The following PCOLCE2 variants were observed in gnomAD, a reference collection of about 807,000 sequenced individuals.
PCOLCE2 encodes the protein procollagen C-proteinase enhancer 2.
In PCOLCE2, 42 loss-of-function variants were observed where a neutral mutation model predicts 47.0. That is an observed-to-expected ratio of 0.89 (90% CI 0.70 to 1.16). PCOLCE2 has a LOEUF of 1.16. PCOLCE2 is among the 50% of genes most tolerant of loss of function. The pLI, the probability that PCOLCE2 is intolerant of heterozygous loss-of-function variation, is 0.00. For missense variants in PCOLCE2, 500 were observed against 526.1 expected, an observed-to-expected ratio of 0.95 and a Z score of 0.49; for synonymous variants, 169 against 191.7, an observed-to-expected ratio of 0.88 and a Z score of 0.98.
At chr3:142,844,036 A>G (rs1050395371) in intron 3 of PCOLCE2, among the ~76,000 whole-genome samples, 28 of 152,102 alleles carry the variant, frequency 1.8e-4, no homozygotes, top group African/African-American at 6.8e-4. Context: ...CTATATTGCC[A>G]CCCAATCCCC....
intron 2 of PCOLCE2, among the ~76,000 whole-genome samples, chr3:142,850,365 G>A (rs1391091291): frequency 6.6e-6 from 1 of 152,156 alleles, no homozygotes; most frequent in Non-Finnish European, 1.5e-5. Context: ...TGTATAGAGG[G>A]TAATTCAAAG....
At chr3:142,864,717 A>C (rs2108205331) in intron 2 of PCOLCE2, among the ~76,000 whole-genome samples, 1 of 152,304 alleles carries the variant, frequency 6.6e-6, no homozygotes, top group East Asian at 1.9e-4. Context: ...TCCTGTCTCT[A>C]TAGACTTGCC....
In PCOLCE2 at chr3:142,842,784, T is replaced by A; in HGVS notation, c.573+140A>T. The A allele has an allele frequency of 1.3e-6, 1 of 757,414 alleles. No homozygotes were observed. The highest frequency in any genetic ancestry group is 1.9e-5 in the South Asian group (1 of 51,840). The allele number at this position is 757,414 out of a possible 1,614,324, so 46.9% of individuals were successfully genotyped here. ...TGGGGTCTTCGCATGAAGAAATACC[T>A]GTGTCCAGGAACCTTCCTCTTCTTG... On this transcript the variant is annotated intron_variant, in intron 4 of 8. Coordinates refer to ENST00000295992, the MANE Select transcript of PCOLCE2 (RefSeq NM_013363.4). The surrounding 1 kb of genome is among the most constrained non-coding windows in gnomAD (Gnocchi z 4.1).
At chr3:142,887,503 C>G (rs933821124) in intron 2 of PCOLCE2, 166 bp downstream of exon 2, 12 of 593,176 alleles carry the variant, frequency 2.0e-5, no homozygotes, top group Non-Finnish European at 3.3e-5. Flanking sequence ...ACGACTAGAT[C>G]TATTATATTA....
intron 2 of PCOLCE2, among the ~76,000 whole-genome samples, chr3:142,887,046 A>T (rs183636414): frequency 7.9e-5 from 12 of 152,320 alleles, no homozygotes; most frequent in Admixed American, 3.3e-4. Context: ...TAAATCAGTT[A>T]AAAAATATAT....
At chr3:142,873,748 T>C (rs1578049574) in intron 2 of PCOLCE2, among the ~76,000 whole-genome samples, 1 of 152,360 alleles carries the variant, frequency 6.6e-6, no homozygotes, top group East Asian at 1.9e-4. Flanking sequence ...ATGTCACCGA[T>C]GTTGGTACAC....
chr3:142,821,355 G>C (rs1009103002), intron 7 of PCOLCE2, among the ~76,000 whole-genome samples: 1 of 152,150 alleles, frequency 6.6e-6, no homozygotes, highest in African/African-American at 2.4e-5. Flanking sequence ...TTGTCACATA[G>C]GGGATAGTCT....
intron 2 of PCOLCE2, among the ~76,000 whole-genome samples, chr3:142,863,307 T>C (rs1212750860): frequency 6.6e-6 from 1 of 152,152 alleles, no homozygotes; most frequent in Non-Finnish European, 1.5e-5. Context: ...AGAGAAAGGT[T>C]TGATGTTGTT....
chr3:142,823,667 G>T (rs1329520168), intron 6 of PCOLCE2, 52 bp from the exon 7 acceptor site: 2 of 1,025,874 alleles, frequency 1.9e-6, no homozygotes, highest in East Asian at 2.4e-5. Context: ...AAGCATAATT[G>T]GTCTTTAGTT....
At chr3:142,854,462 A>G (rs932867633) in intron 2 of PCOLCE2, among the ~76,000 whole-genome samples, 3 of 152,216 alleles carry the variant, frequency 2.0e-5, no homozygotes, top group African/African-American at 7.2e-5. Context: ...GATAAATCAG[A>G]AGCTTACAAG....
At chr3:142,824,726 A>G (rs28373594) in intron 6 of PCOLCE2, among the ~76,000 whole-genome samples, 5,374 of 151,896 alleles carry the variant, frequency 0.035, 326 homozygotes, top group African/African-American at 0.12. Context: ...TGCAAGCTCC[A>G]CCTCCCGGGT....
At chr3:142,849,558 A>G (rs1366720522) in intron 2 of PCOLCE2, among the ~76,000 whole-genome samples, 3 of 152,186 alleles carry the variant, frequency 2.0e-5, no homozygotes, top group South Asian at 2.1e-4. Flanking sequence ...ATGGCTATAA[A>G]AGCATTTGGT....
rs534962350 is a variant in PCOLCE2 at position 142,825,240 on chromosome 3, A to G, written c.866-1625T>C. On this transcript the variant is annotated intron_variant, in intron 6 of 8. Coordinates refer to ENST00000295992, the MANE Select transcript of PCOLCE2 (RefSeq NM_013363.4). ...GCCCATTGGGAACCGGCTGCTTCTC[A>G]GCCTCCGAAGGTCAGTCTGGAAGTG... 1.2e-4 allele frequency among the ~76,000 whole-genome samples: 18 copies of G among 152,164 alleles called. No homozygotes were observed. The South Asian group carries it at 3.3e-3, about 28-fold the overall frequency.
intron 2 of PCOLCE2, among the ~76,000 whole-genome samples, chr3:142,861,497 T>G (rs558118144): frequency 1.3e-5 from 2 of 152,300 alleles, no homozygotes; most frequent in South Asian, 4.1e-4. Context: ...GATACTAATT[T>G]TTTTATCTCT....
At chr3:142,863,584 T>C (rs72994570) in intron 2 of PCOLCE2, among the ~76,000 whole-genome samples, 4,481 of 152,162 alleles carry the variant, frequency 0.029, 218 homozygotes, top group African/African-American at 0.1. Flanking sequence ...GGCTCACAAA[T>C]GTGTAGCCTC....
chr3:142,868,759 C>T (rs964908799), intron 2 of PCOLCE2, among the ~76,000 whole-genome samples: 12 of 152,324 alleles, frequency 7.9e-5, no homozygotes, highest in African/African-American at 2.9e-4. Flanking sequence ...GGGCCACGTG[C>T]GTCAGGGATA....
Position 142,848,362 on chromosome 3 carries a change from CTGGCCATTGGCA to C in PCOLCE2, c.291_302del (p.His97_Gly100del). ...AAGTGCCACAGAAGCGGCCAATGCGCTGGCCATTGGCATGGCCATTGTACACATCCACAAAGT... is the reference window on the plus strand; with the variant it reads ...AAGTGCCACAGAAGCGGCCAATGCGCTGGCCATTGTACACATCCACAAAGT... On this transcript the variant is annotated inframe_deletion, in exon 3 of 9. Transcript: ENST00000295992. The C allele has an allele frequency of 6.2e-7, 1 of 1,614,218 alleles. No homozygotes were observed. The highest frequency in any genetic ancestry group is 1.1e-5 in the South Asian group (1 of 91,090).
At chr3:142,880,175 G>T (rs1406035329) in intron 2 of PCOLCE2, among the ~76,000 whole-genome samples, 1 of 150,002 alleles carries the variant, frequency 6.7e-6, no homozygotes, top group Non-Finnish European at 1.5e-5. Context: ...CAAGCATTGG[G>T]TTAAATTACT....
intron 2 of PCOLCE2, among the ~76,000 whole-genome samples, chr3:142,866,086 G>A (rs1933277428): frequency 6.6e-6 from 1 of 152,208 alleles, no homozygotes; most frequent in African/African-American, 2.4e-5. Flanking sequence ...GCTAAGGAAT[G>A]TCAAGGTAGC....
Sources: gnomAD v4.1 joint callset for allele counts (sites outside exome capture counted in the v4.1 genomes callset) on GRCh38, gnomAD v4.1.1 for gene constraint, Gnocchi (gnomAD v3.1) non-coding constraint, MANE v1.5 for transcripts, NCBI Gene and HGNC (gene_info 2026-07-23, HGNC 2026-07-21) for gene names.